The following SNTG1 variants were observed in gnomAD, a reference collection of about 807,000 sequenced individuals.
SNTG1 encodes the protein syntrophin gamma 1, also known as gamma-1-syntrophin.
Under a neutral mutation model 74.7 loss-of-function variants are expected in SNTG1, and 39 were observed. The ratio of observed to expected loss-of-function variants is 0.52; its 90% CI spans 0.40 to 0.68. The LOEUF (loss-of-function observed/expected upper bound fraction) is 0.68. SNTG1 is among the 30% of genes least tolerant of loss of function. SNTG1 has a pLI of 0.00. For missense variants in SNTG1, 685 were observed against 609.5 expected, an observed-to-expected ratio of 1.12 and a Z score of -1.30; for synonymous variants, 254 against 217.1, an observed-to-expected ratio of 1.17 and a Z score of -1.49.
chr8:50,724,626 AG>A (rs1484635352), intron 17 of SNTG1, among the ~76,000 whole-genome samples: 1 of 152,138 alleles, frequency 6.6e-6, no homozygotes, highest in Admixed American at 6.5e-5. Flanking sequence ...CATTTTTGGT[AG>A]ATTATTTTTG....
chr8:50,674,898 A>T (rs759633117), intron 15 of SNTG1, among the ~76,000 whole-genome samples: 14 of 151,916 alleles, frequency 9.2e-5, no homozygotes, highest in Non-Finnish European at 2.1e-4. Flanking sequence ...GAACTTCTTG[A>T]TTTCTGCTTT....
chr8:49,919,092 CTA>C (rs1043999823), intron 1 of SNTG1, among the ~76,000 whole-genome samples: 4 of 152,048 alleles, frequency 2.6e-5, no homozygotes, highest in African/African-American at 9.7e-5. Context: ...TCACTCCTGT[CTA>C]TGTTTCTGTT....
chr8:50,366,436 T>G (rs1415773189), intron 2 of SNTG1, among the ~76,000 whole-genome samples: 1 of 152,084 alleles, frequency 6.6e-6, no homozygotes, highest in Non-Finnish European at 1.5e-5. Flanking sequence ...ACCATGTCCA[T>G]GACCATCTTA....
chr8:50,696,458 A>T (rs1389481975), intron 15 of SNTG1, among the ~76,000 whole-genome samples: 2 of 152,010 alleles, frequency 1.3e-5, no homozygotes, highest in African/African-American at 2.4e-5. Flanking sequence ...GCTTTGCAGA[A>T]GTTTTTAATT....
intron 8 of SNTG1, among the ~76,000 whole-genome samples, chr8:50,480,695 G>A (rs542456072): frequency 5.9e-5 from 9 of 152,104 alleles, no homozygotes; most frequent in Non-Finnish European, 1.0e-4. Flanking sequence ...TGGTCAAATA[G>A]GGTTTTGTAT....
In SNTG1 at chr8:50,192,345, G is replaced by GA. The variant is rs553782585; in HGVS notation, c.-28+19713dup. On this transcript the variant is annotated intron_variant, in intron 2 of 18. Coordinates refer to ENST00000642720, the MANE Select transcript of SNTG1 (RefSeq NM_018967.5). ...TTTGGTCCTTAGTTTTTTCATCTGT[G>GA]AAATAAGGAAGTTAGGCCCATTTTG... Among the ~76,000 whole-genome samples the GA allele has an allele frequency of 7.2e-5, 11 of 152,192 alleles. No homozygotes were observed. The South Asian group carries it at 2.3e-3, about 31-fold the overall frequency.
At chr8:50,449,526 A>G (rs1339566138) in intron 5 of SNTG1, 142 bp from the exon 6 acceptor site, 1 of 513,780 alleles carries the variant, frequency 1.9e-6, no homozygotes, top group Non-Finnish European at 3.2e-6. Flanking sequence ...AGCACTATCT[A>G]CTTAGAGGAG....
chr8:49,993,036 T>G (rs1305575950), intron 1 of SNTG1, among the ~76,000 whole-genome samples: 1 of 152,186 alleles, frequency 6.6e-6, no homozygotes, highest in East Asian at 1.9e-4. Flanking sequence ...TTAAATCTTT[T>G]TTTTGTGGAA....
chr8:50,709,752 C>G (rs1447858178), intron 17 of SNTG1, among the ~76,000 whole-genome samples: 1 of 152,136 alleles, frequency 6.6e-6, no homozygotes, highest in Non-Finnish European at 1.5e-5. Flanking sequence ...GAACTGTTGT[C>G]CCCATGGAAG....
chr8:50,623,370 A>G (rs767758960), intron 13 of SNTG1, among the ~76,000 whole-genome samples: 2 of 151,950 alleles, frequency 1.3e-5, no homozygotes, highest in Non-Finnish European at 2.9e-5. Context: ...CAGTTTTTTG[A>G]TTGTCTTTGT....
intron 18 of SNTG1, among the ~76,000 whole-genome samples, chr8:50,779,707 C>G (rs1013633902): frequency 1.3e-5 from 2 of 151,888 alleles, no homozygotes; most frequent in African/African-American, 2.4e-5. Context: ...CCTTCTCCTG[C>G]CTAATTGCCC....
intron 12 of SNTG1, among the ~76,000 whole-genome samples, chr8:50,586,931 G>T (rs182831894): frequency 6.6e-6 from 1 of 151,910 alleles, no homozygotes; most frequent in East Asian, 1.9e-4. Flanking sequence ...AAAATACAAA[G>T]CAGCAAAGGA....
chr8:50,309,128 T>A (rs552248767), intron 2 of SNTG1, among the ~76,000 whole-genome samples: 1 of 152,198 alleles, frequency 6.6e-6, no homozygotes, highest in Admixed American at 6.6e-5. Context: ...AGCCCTTTAC[T>A]GAATTTAATC....
At chr8:49,951,312 C>G (rs2449965) in intron 1 of SNTG1, among the ~76,000 whole-genome samples, 14,741 of 152,202 alleles carry the variant, frequency 0.097, 2,294 homozygotes, top group African/African-American at 0.33. Flanking sequence ...GTTATTAAGA[C>G]AATGCCTAGT....
At chr8:50,113,741 A>G (rs1320234527) in intron 1 of SNTG1, among the ~76,000 whole-genome samples, 1 of 152,110 alleles carries the variant, frequency 6.6e-6, no homozygotes, top group African/African-American at 2.4e-5. Flanking sequence ...AGCTTTTATT[A>G]TTTTGAGATA....
chr8:50,590,523 A>T (rs985582397), intron 12 of SNTG1, among the ~76,000 whole-genome samples: 4 of 152,080 alleles, frequency 2.6e-5, no homozygotes, highest in Non-Finnish European at 5.9e-5. Context: ...AACAAATTGG[A>T]TATAATATAA....
chr8:50,706,207 A>G lies in SNTG1; in HGVS notation c.1191+1455A>G, dbSNP rs2095442896. On this transcript the variant is annotated intron_variant, in intron 16 of 18. Transcript: ENST00000642720. ...ACTCTGCTTTTATCTTCATGCACCT[A>G]AAAAGTCTTAAATAGCCAAAAAATA... Among the ~76,000 whole-genome samples, 4 of 152,260 alleles carry G rather than the reference A, an allele frequency of 2.6e-5. No individual in the cohort carries two copies. The East Asian group carries it at 7.7e-4, about 29-fold the overall frequency.
rs17757006 is a variant in SNTG1, at chr8:49,976,208, C to T, written c.-103+63977C>T. On this transcript the variant is annotated intron_variant, in intron 1 of 18. Transcript: ENST00000642720. ...AGAAAAGCAAGGCCTGATGTGAAGG[C>T]TCAGTGTGTGTATATTTGTGTGGAA... Among the ~76,000 whole-genome samples, 688 of 152,140 alleles carry T rather than the reference C, an allele frequency of 4.5e-3. 4 individuals are homozygous for T. The highest frequency in any genetic ancestry group is 7.5e-3 in the Non-Finnish European group (508 of 67,986).
intron 1 of SNTG1, among the ~76,000 whole-genome samples, chr8:49,978,586 A>C (rs1812396598): frequency 6.6e-6 from 1 of 152,134 alleles, no homozygotes; most frequent in Non-Finnish European, 1.5e-5. Flanking sequence ...ATACAATTAA[A>C]ATTGTTGTCT....
Sources: gnomAD v4.1 joint callset for allele counts (sites outside exome capture counted in the v4.1 genomes callset) on GRCh38, gnomAD v4.1.1 for gene constraint, MANE v1.5 for transcripts, NCBI Gene and HGNC (gene_info 2026-07-23, HGNC 2026-07-21) for gene names.